CALD1: variants seen among roughly 807,000 people sequenced by gnomAD.
CALD1 encodes caldesmon 1, also known as caldesmon.
A neutral mutation model predicts 99.9 loss-of-function variants in CALD1; 33 were observed. The observed-to-expected ratio is 0.33, with a 90% CI of 0.25 to 0.44. The LOEUF (loss-of-function observed/expected upper bound fraction) is 0.44, where lower values mean the gene tolerates loss of function less well. Among genes scored for constraint, CALD1 ranks in the 20% least tolerant of loss-of-function variants. The pLI is 1.00. For missense variants in CALD1, 861 were observed against 962.1 expected, an observed-to-expected ratio of 0.89 and a Z score of 1.39; for synonymous variants, 310 against 325.0, an observed-to-expected ratio of 0.95 and a Z score of 0.50.
intron 1 of CALD1, among the ~76,000 whole-genome samples, chr7:134,806,227 A>G (rs1798130646): frequency 6.6e-6 from 1 of 152,170 alleles, no homozygotes; most frequent in South Asian, 2.1e-4. Flanking sequence ...CATGTTTCAC[A>G]TCAGTGTCTT....
chr7:134,830,086 A>AG (rs1799159584), intron 1 of CALD1, among the ~76,000 whole-genome samples: 1 of 151,970 alleles, frequency 6.6e-6, no homozygotes, highest in African/African-American at 2.4e-5. Flanking sequence ...GAAAAAAAAA[A>AG]GGGGCCAGGG....
At chr7:134,816,794 A>G (rs1252207443) in intron 1 of CALD1, among the ~76,000 whole-genome samples, 1 of 152,170 alleles carries the variant, frequency 6.6e-6, no homozygotes, top group Non-Finnish European at 1.5e-5. Flanking sequence ...TACTAGTTAC[A>G]TTTCATTGAC....
intron 6 of CALD1, among the ~76,000 whole-genome samples, chr7:134,937,204 C>A (rs190701800): frequency 6.6e-6 from 1 of 152,162 alleles, no homozygotes; most frequent in Non-Finnish European, 1.5e-5. Context: ...CTGACCAAAG[C>A]TTTCTATACC....
At chr7:134,900,337 C>T (rs964728207) in intron 3 of CALD1, among the ~76,000 whole-genome samples, 1 of 152,064 alleles carries the variant, frequency 6.6e-6, no homozygotes, top group African/African-American at 2.4e-5. Flanking sequence ...GGTATGCCTG[C>T]GAATTGAATT....
upstream of CALD1, among the ~76,000 whole-genome samples, chr7:134,741,503 C>T (rs1796591423): frequency 1.3e-5 from 2 of 152,186 alleles, no homozygotes; most frequent in Admixed American, 6.5e-5. Context: ...ATCTCAAGCA[C>T]TCAATTCATG....
At chr7:134,749,569 CGCCATT>C (rs1796666728) in intron 1 of CALD1, among the ~76,000 whole-genome samples, 1 of 152,076 alleles carries the variant, frequency 6.6e-6, no homozygotes, top group South Asian at 2.1e-4. Flanking sequence ...GCTAAGATCG[CGCCATT>C]ACACTCCAGC....
intron 3 of CALD1, among the ~76,000 whole-genome samples, chr7:134,878,849 T>C (rs1195850008): frequency 6.6e-6 from 1 of 152,050 alleles, no homozygotes; most frequent in African/African-American, 2.4e-5. Context: ...GTGCCTGTAG[T>C]ACCAGCTACT....
At chr7:134,873,349 C>T (rs1801195285) in intron 3 of CALD1, among the ~76,000 whole-genome samples, 1 of 152,166 alleles carries the variant, frequency 6.6e-6, no homozygotes, top group Non-Finnish European at 1.5e-5. Context: ...GCATCTTCAT[C>T]AACACTTGAT....
intron 2 of CALD1, among the ~76,000 whole-genome samples, chr7:134,857,379 G>C (rs1420888516): frequency 6.6e-6 from 1 of 151,406 alleles, no homozygotes; most frequent in Non-Finnish European, 1.5e-5. Flanking sequence ...CCGTGGTCTT[G>C]ATCTCCCGGC....
the CALD1 span, among the ~76,000 whole-genome samples, chr7:134,714,224 AATT>A: frequency 1.3e-5 from 2 of 152,110 alleles, no homozygotes; most frequent in East Asian, 3.9e-4. Flanking sequence ...AAATTATCCA[AATT>A]ATTGTATTTC....
intron 3 of CALD1, among the ~76,000 whole-genome samples, chr7:134,872,064 A>C (rs548913702): frequency 1.1e-4 from 16 of 152,316 alleles, no homozygotes; most frequent in Middle Eastern, 3.4e-3. Context: ...CTGCAAACGT[A>C]GTGCATCAAA....
At chr7:134,942,135 G>T (rs780980309) in intron 7 of CALD1, among the ~76,000 whole-genome samples, 1 of 152,132 alleles carries the variant, frequency 6.6e-6, no homozygotes, top group Non-Finnish European at 1.5e-5. Context: ...CAGATGTGCC[G>T]GAGAGGAGTC....
chr7:134,905,662 A>G (rs781232351), intron 3 of CALD1, among the ~76,000 whole-genome samples: 1 of 152,168 alleles, frequency 6.6e-6, no homozygotes, highest in Non-Finnish European at 1.5e-5. Flanking sequence ...CTGGAGGAGC[A>G]GGGCTGGAGG....
At chr7:134,773,191 A>G (rs1796889818) in intron 1 of CALD1, among the ~76,000 whole-genome samples, 1 of 150,522 alleles carries the variant, frequency 6.6e-6, no homozygotes, top group East Asian at 1.9e-4. Flanking sequence ...ATGTACACTC[A>G]GGTGTAATTA....
intron 3 of CALD1, among the ~76,000 whole-genome samples, chr7:134,917,703 T>C (rs1428313673): frequency 2.0e-5 from 3 of 152,156 alleles, no homozygotes; most frequent in Non-Finnish European, 4.4e-5. Flanking sequence ...GAATTCTAGG[T>C]TGGGGATGAA....
intron 1 of CALD1, among the ~76,000 whole-genome samples, chr7:134,758,548 A>G (rs1298850814): frequency 2.1e-5 from 3 of 145,378 alleles, no homozygotes; most frequent in Non-Finnish European, 4.5e-5. Context: ...GTTTCCAAGA[A>G]CACAGCAGTG....
intron 3 of CALD1, chr7:134,920,616 C>T: frequency 2.3e-6 from 3 of 1,288,944 alleles, no homozygotes; most frequent in Non-Finnish European, 1.0e-6. Flanking sequence ...CTCCATCGAC[C>T]AACACTGCCT....
intron 1 of CALD1, among the ~76,000 whole-genome samples, chr7:134,758,621 A>C (rs971466888): frequency 6.6e-6 from 1 of 151,998 alleles, no homozygotes; most frequent in Admixed American, 6.6e-5. Context: ...AACAGTTTCC[A>C]GCTCCCTGTG....
chr7:134,867,836 C>G (rs1259542981), intron 3 of CALD1, 32 bp downstream of exon 3: 3 of 1,395,614 alleles, frequency 2.1e-6, no homozygotes, highest in Non-Finnish European at 3.0e-6. Flanking sequence ...TACTTGTATT[C>G]CCTTATTAAC....
Sources: allele counts gnomAD v4.1 joint callset (sites outside exome capture counted in the v4.1 genomes callset), GRCh38; gene constraint gnomAD v4.1.1; transcripts MANE v1.5; gene names NCBI Gene and HGNC (gene_info 2026-07-23, HGNC 2026-07-21).